ATAD2: variants seen among roughly 807,000 people sequenced by gnomAD.
ATAD2 encodes the protein ATPase family AAA domain-containing protein 2.
ATAD2 carries 62 observed loss-of-function variants against 168.9 expected under a neutral mutation model. The ratio of observed to expected loss-of-function variants is 0.37; its 90% CI spans 0.30 to 0.45. The LOEUF is 0.45. Among genes scored for constraint, ATAD2 ranks in the 20% least tolerant of loss-of-function variants. The pLI is 1.00. For synonymous variants in ATAD2, 613 were observed against 571.6 expected (o/e 1.07, Z -1.03); for missense variants, 1,419 against 1,667.8 (o/e 0.85, Z 2.60).
At chr8:123,336,225 T>C (rs921444213) in intron 22 of ATAD2, 148 bp downstream of exon 22, 1 of 704,376 alleles carries the variant, frequency 1.4e-6, no homozygotes, top group Non-Finnish European at 2.1e-6. Flanking sequence ...CTTTCTAAAC[T>C]TCATTTTTAC....
At chr8:123,361,720 A>G in intron 8 of ATAD2, 74 bp from the exon 9 acceptor site, 3 of 1,205,122 alleles carry the variant, frequency 2.5e-6, no homozygotes, top group Non-Finnish European at 3.6e-6. Flanking sequence ...AAAGCATCAG[A>G]AATACCTAAT....
At chr8:123,342,995 T>C (rs188135245) in intron 19 of ATAD2, among the ~76,000 whole-genome samples, 53 of 152,216 alleles carry the variant, frequency 3.5e-4, no homozygotes, top group Admixed American at 2.9e-3. Flanking sequence ...ATCATTTTTT[T>C]TTTTTTTGAG....
At chr8:123,326,791 T>C (rs1827627717) in intron 25 of ATAD2, among the ~76,000 whole-genome samples, 1 of 152,234 alleles carries the variant, frequency 6.6e-6, no homozygotes, top group Admixed American at 6.5e-5. Context: ...CTGTGTAGGC[T>C]AAAGTATTTA....
chr8:123,333,901 G>C lies in ATAD2; in HGVS notation c.3455C>G (p.Thr1152Ser). The C allele has an allele frequency of 6.2e-7, 1 of 1,614,016 alleles. No individual in the cohort carries two copies. The highest frequency in any genetic ancestry group is 8.5e-7 in the Non-Finnish European group (1 of 1,179,946). The change falls in exon 24 of 28, where the codon ACT (threonine) becomes AGT (serine). Residue 1152 changes from threonine to serine, a missense_variant. Around this residue, in one of 5 missense-constraint regions of ATAD2, gnomAD observed 303 missense variants for 304.3 expected, o/e 1.00. Coordinates refer to ENST00000287394, the MANE Select transcript of ATAD2 (RefSeq NM_014109.4). ...ACCAGGAGTGCTGCAAGCCACAGGA[G>C]TACTCGGTGTCTTTAGCTTTTCATT... Reference protein sequence around the residue: ...EQNEKLKTPSTPVACSTPAQL... With the variant: ...EQNEKLKTPSSPVACSTPAQL...
intron 9 of ATAD2, 82 bp downstream of exon 9, chr8:123,361,457 T>G (rs367799463): frequency 3.9e-5 from 46 of 1,169,172 alleles, no homozygotes; most frequent in East Asian, 2.4e-4. Context: ...CAGCCTATAC[T>G]TATACCCAAA....
chr8:123,322,739 T>C (rs1239055054), intron 27 of ATAD2, among the ~76,000 whole-genome samples, 199 bp downstream of exon 27: 1 of 152,160 alleles, frequency 6.6e-6, no homozygotes, highest in African/African-American at 2.4e-5. Flanking sequence ...CTCACTTGCA[T>C]TTAGAAATAA....
intron 26 of ATAD2, among the ~76,000 whole-genome samples, 158 bp downstream of exon 26, chr8:123,325,735 A>G (rs1827596570): frequency 6.6e-6 from 1 of 152,184 alleles, no homozygotes; most frequent in African/African-American, 2.4e-5. Flanking sequence ...CTTAATTTGG[A>G]ACAGGGGAAG....
At chr8:123,405,909 A>G (rs147354896) in intron 1 of ATAD2, among the ~76,000 whole-genome samples, 9 of 152,248 alleles carry the variant, frequency 5.9e-5, no homozygotes, top group African/African-American at 2.2e-4. Flanking sequence ...CTAGAAGTGC[A>G]ATGGCTAGGT....
At chr8:123,379,890 A>ATTTTTTTTT (rs71895855) in intron 2 of ATAD2, among the ~76,000 whole-genome samples, 1 of 129,150 alleles carries the variant, frequency 7.7e-6, no homozygotes, top group African/African-American at 2.9e-5. Flanking sequence ...TATTATTATT[A>ATTTTTTTTT]TTTTTTTTTT....
intron 1 of ATAD2, among the ~76,000 whole-genome samples, chr8:123,391,456 C>T (rs1829822832): frequency 1.0e-5 from 1 of 97,256 alleles, no homozygotes; most frequent in South Asian, 3.4e-4. Context: ...AAGATAAGAT[C>T]AGCCTGATCA....
intron 2 of ATAD2, among the ~76,000 whole-genome samples, chr8:123,380,187 G>C (rs1829453724): frequency 6.6e-6 from 1 of 151,880 alleles, no homozygotes. Context: ...GAGTAGCTGG[G>C]ATTACAGGCG....
chr8:123,386,020 CAAAAA>C (rs58687997), intron 1 of ATAD2, among the ~76,000 whole-genome samples: 3 of 81,108 alleles, frequency 3.7e-5, no homozygotes, highest in Non-Finnish European at 2.7e-5. Context: ...TGGCTACTCA[CAAAAA>C]AAAAAAAAAA....
In ATAD2 at chr8:123,339,404, C is replaced by T. The variant is rs1486694102; in HGVS notation, c.2761G>A (p.Val921Ile). The T allele has an allele frequency of 1.3e-6, 2 of 1,598,080 alleles. No homozygotes were observed. Among genetic ancestry groups the T allele is most frequent in the South Asian group, 1.1e-5 (1 of 88,444 alleles). Residue 921 changes from valine to isoleucine, a missense_variant, in exon 20 of 28, where the codon GTC becomes ATC. Val to Ile is a conservative substitution (Grantham distance 29, BLOSUM62 3). Coordinates refer to ENST00000287394, the MANE Select transcript of ATAD2 (RefSeq NM_014109.4). Reference sequence around the variant, plus strand: ...CGTTCTTCTTTATCCGGTAACTGGACATTAAAAATCTCTCCATAATCACGG... The same window carrying T: ...CGTTCTTCTTTATCCGGTAACTGGATATTAAAAATCTCTCCATAATCACGG... Reference protein sequence around the residue: ...FIRDYGEIFNVQLPDKEERTK... With the variant: ...FIRDYGEIFNIQLPDKEERTK...
chr8:123,356,972 A>G (rs1828668548), intron 12 of ATAD2, among the ~76,000 whole-genome samples: 1 of 152,148 alleles, frequency 6.6e-6, no homozygotes, highest in South Asian at 2.1e-4. Context: ...GACACGCAAA[A>G]ATATTTATTG....
At chr8:123,338,196 A>C (rs2131303275) in intron 20 of ATAD2, among the ~76,000 whole-genome samples, 1 of 152,212 alleles carries the variant, frequency 6.6e-6, no homozygotes, top group African/African-American at 2.4e-5. Flanking sequence ...CTCTACTAAA[A>C]ATACAAAAAA....
chr8:123,353,172 T>C (rs1828528321), intron 13 of ATAD2, among the ~76,000 whole-genome samples: 1 of 152,108 alleles, frequency 6.6e-6, no homozygotes, highest in African/African-American at 2.4e-5. Context: ...AAGACCAGCT[T>C]GGCCAAAATG....
chr8:123,345,839 C>T (rs1259195416), intron 18 of ATAD2, among the ~76,000 whole-genome samples: 1 of 152,170 alleles, frequency 6.6e-6, no homozygotes, highest in African/African-American at 2.4e-5. Flanking sequence ...GTAGTATTAT[C>T]TCCATTTTCC....
In ATAD2 at chr8:123,344,759, A is replaced by T. The variant is rs1331483340; in HGVS notation, c.2718+125T>A. 3.8e-6 allele frequency: 4 copies of T among 1,053,712 alleles called. No individual in the cohort carries two copies. In the African/African-American group the frequency reaches 6.3e-5, roughly 17 times the overall value. 65.3% of individuals were successfully genotyped at this position (1,053,712 alleles called of 1,614,324 possible). A position where few individuals can be genotyped will look rare whatever the true frequency, so the allele number is the denominator to read the frequency against. ...TATACCAAATAGTTACCAATGGTAT[A>T]TTTGATAAGAAAACTTATCCTTTTA... is the stretch of plus-strand genomic sequence containing the variant. On this transcript the variant is annotated intron_variant, in intron 19 of 27. Transcript: ENST00000287394.
chr8:123,414,588 C>T (rs577275827), intron 1 of ATAD2, among the ~76,000 whole-genome samples: 1 of 152,322 alleles, frequency 6.6e-6, no homozygotes, highest in South Asian at 2.1e-4. Flanking sequence ...TGCACCACTG[C>T]ACTCCAGCCT....
Sources: allele counts gnomAD v4.1 joint callset (sites outside exome capture counted in the v4.1 genomes callset), GRCh38; gene constraint gnomAD v4.1.1; regional missense constraint gnomAD v4.1.1; transcripts MANE v1.5; gene names NCBI Gene and HGNC (gene_info 2026-07-23, HGNC 2026-07-21).